LRRC9: variants seen among roughly 807,000 people sequenced by gnomAD.
LRRC9 encodes leucine-rich repeat-containing protein 9.
Under a neutral mutation model 63.2 loss-of-function variants are expected in LRRC9, and 122 were observed. The ratio of observed to expected loss-of-function variants is 1.93; its 90% CI spans 1.67 to 2.24. LRRC9 has a LOEUF of 2.24. LRRC9 is among the 30% of genes most tolerant of loss of function. LRRC9 has a pLI of 0.00. For missense variants in LRRC9, 1,071 were observed against 627.7 expected, an observed-to-expected ratio of 1.71 and a Z score of -7.55; for synonymous variants, 366 against 213.1, an observed-to-expected ratio of 1.72 and a Z score of -6.25.
intron 8 of LRRC9, among the ~76,000 whole-genome samples, chr14:59,956,631 A>C (rs183289591): frequency 1.3e-5 from 2 of 152,256 alleles, no homozygotes; most frequent in East Asian, 3.9e-4. Flanking sequence ...CATTTAGCCC[A>C]TTTACATTTA....
At chr14:59,937,560 G>A (rs1354324676) in intron 6 of LRRC9, among the ~76,000 whole-genome samples, 2 of 152,098 alleles carry the variant, frequency 1.3e-5, no homozygotes, top group Admixed American at 1.3e-4. Flanking sequence ...CTCAAAAGGA[G>A]CAGCATGAGT....
rs148378912 is a variant in LRRC9, at chr14:60,003,446, G to A, written c.2665-175G>A. ...AAGTCCTTCTTGGAGTTATAATCTC[G>A]TCAAATTTTACTTTTCTGTAAACTG... is the stretch of plus-strand genomic sequence containing the variant. On this transcript the variant is annotated intron_variant, in intron 20 of 31. Coordinates refer to ENST00000445360, the Ensembl canonical transcript of LRRC9. The surrounding 1 kb of genome is among the most constrained non-coding windows in gnomAD (Gnocchi z 4.2). Among the ~76,000 whole-genome samples, 15 of 152,268 alleles carry A rather than the reference G, an allele frequency of 9.9e-5. No individual in the cohort carries two copies. The highest frequency in any genetic ancestry group is 2.1e-4 in the South Asian group (1 of 4,828).
rs927586867 is a variant in LRRC9, at chr14:60,004,615, T to C, written c.2842+817T>C. Among the ~76,000 whole-genome samples, 11 of 152,088 alleles carry C rather than the reference T, an allele frequency of 7.2e-5. No individual in the cohort carries two copies. Among genetic ancestry groups the C allele is most frequent in the African/African-American group, 2.4e-4 (10 of 41,446 alleles). ...TTCTTCACTTCATTTGGATTTATGC[T>C]TATCTACAGCTAAAAATCATGAGTT... On this transcript the variant is annotated intron_variant, in intron 21 of 31. Coordinates refer to ENST00000445360, the Ensembl canonical transcript of LRRC9. This position sits in a 1 kb window ranked among gnomAD's most constrained non-coding sequence, Gnocchi z 4.8.
chr14:60,003,010 G>C lies in LRRC9; in HGVS notation c.2665-611G>C, dbSNP rs1889513472. Among the ~76,000 whole-genome samples the C allele has an allele frequency of 6.6e-6, 1 of 152,178 alleles. No individual in the cohort carries two copies. Among genetic ancestry groups the C allele is most frequent in the Non-Finnish European group, 1.5e-5 (1 of 68,024 alleles). ...CACTTGCAGCTTCTTGCTACATTAGGTGTCCTTATACCTCTTGCCAAACAT... is the reference window on the plus strand; with the variant it reads ...CACTTGCAGCTTCTTGCTACATTAGCTGTCCTTATACCTCTTGCCAAACAT... On this transcript the variant is annotated intron_variant, in intron 20 of 31. Coordinates refer to ENST00000445360, the Ensembl canonical transcript of LRRC9. The surrounding 1 kb of genome is among the most constrained non-coding windows in gnomAD (Gnocchi z 4.2).
chr14:60,022,627 A>G, intron 26 of LRRC9, 107 bp from the exon 27 acceptor site: 2 of 409,330 alleles, frequency 4.9e-6, no homozygotes, highest in Non-Finnish European at 8.6e-6. Flanking sequence ...TAATAAATTT[A>G]TATTTTCTTA....
chr14:60,000,903 G>A (rs997243633), intron 19 of LRRC9, among the ~76,000 whole-genome samples: 11 of 151,966 alleles, frequency 7.2e-5, no homozygotes, highest in Non-Finnish European at 2.9e-5. Flanking sequence ...ACAACCAGCC[G>A]AACAGAAATA....
intron 7 of LRRC9, 62 bp from the exon 8 acceptor site, chr14:59,944,527 C>T (rs1055420889): frequency 3.9e-6 from 2 of 518,604 alleles, no homozygotes; most frequent in South Asian, 3.3e-5. Context: ...TATATAATAC[C>T]ACTAACAATT....
rs2140220756 is a variant in LRRC9 at position 60,004,470 on chromosome 14, AATG to A, written c.2842+675_2842+677del. Among the ~76,000 whole-genome samples, 1 of 152,212 alleles carries A rather than the reference AATG, an allele frequency of 6.6e-6. No individual in the cohort carries two copies. Among genetic ancestry groups the A allele is most frequent in the South Asian group, 2.1e-4 (1 of 4,830 alleles). The stretch of plus-strand genomic sequence containing the variant: ...GCAGCTTTAGTAATATCTTAATAAT[AATG>A]ATACCAATATAATATATTTTATTTG... On this transcript the variant is annotated intron_variant, in intron 21 of 31. Coordinates refer to ENST00000445360, the Ensembl canonical transcript of LRRC9. The surrounding 1 kb of genome is among the most constrained non-coding windows in gnomAD (Gnocchi z 4.8).
In LRRC9 at chr14:59,938,960, C is replaced by CACATAT. The variant is rs1881394977; in HGVS notation, c.726+390_726+395dup. Among the ~76,000 whole-genome samples, 1 of 143,106 alleles carries CACATAT rather than the reference C, an allele frequency of 7.0e-6. No homozygotes were observed. Among genetic ancestry groups the CACATAT allele is most frequent in the Non-Finnish European group, 1.5e-5 (1 of 66,640 alleles). 93.9% of individuals were successfully genotyped at this position (143,106 alleles called of 152,430 possible). The stretch of plus-strand genomic sequence containing the variant: ...ATATACATATACATACATATATACA[C>CACATAT]ACATATATACATATATACATATATA... On this transcript the variant is annotated intron_variant, in intron 7 of 31. Coordinates refer to ENST00000445360, the Ensembl canonical transcript of LRRC9. This position sits in a 1 kb window ranked among gnomAD's most constrained non-coding sequence, Gnocchi z 4.2.
chr14:60,057,849 G>A (rs1006954393), intron 30 of LRRC9, 29 bp from the exon 31 acceptor site: 14 of 624,078 alleles, frequency 2.2e-5, no homozygotes, highest in African/African-American at 1.6e-4. Context: ...GAGATGAGAT[G>A]TTATTAACTG....
At chr14:59,998,285 C>A (rs1889007574) in intron 18 of LRRC9, among the ~76,000 whole-genome samples, 1 of 151,952 alleles carries the variant, frequency 6.6e-6, no homozygotes, top group Admixed American at 6.6e-5. Flanking sequence ...ACATGTTTTA[C>A]AATTTTATTT....
chr14:59,968,896 C>T (rs560125599), intron 12 of LRRC9, among the ~76,000 whole-genome samples: 1 of 152,218 alleles, frequency 6.6e-6, no homozygotes, highest in African/African-American at 2.4e-5. Context: ...AACTATTAAG[C>T]ATTTGAAATG....
chr14:59,928,359 T>C (rs1247969889), exon 3 of LRRC9: 2 of 694,020 alleles, frequency 2.9e-6, no homozygotes, highest in Non-Finnish European at 5.2e-6. Flanking sequence ...TATCCTCGTA[T>C]AGTTGGATTA....
At chr14:60,037,244 A>G (rs1170700276) in intron 29 of LRRC9, among the ~76,000 whole-genome samples, 4 of 152,184 alleles carry the variant, frequency 2.6e-5, no homozygotes, top group Non-Finnish European at 5.9e-5. Context: ...ATGTGTCTTT[A>G]TAACAGCTTG....
At chr14:59,941,407 T>C (rs909316222) in intron 7 of LRRC9, among the ~76,000 whole-genome samples, 3 of 151,556 alleles carry the variant, frequency 2.0e-5, no homozygotes. Context: ...TTTTTTTTTA[T>C]CCCACCTAGG....
rs746720349 is a variant in LRRC9, at chr14:59,962,445, C to T, written c.1211+1400C>T. 2.0e-4 allele frequency among the ~76,000 whole-genome samples: 30 copies of T among 151,898 alleles called. No homozygotes were observed. Among genetic ancestry groups the T allele is most frequent in the Admixed American group, 8.5e-4 (13 of 15,254 alleles). Reference sequence around the variant, plus strand: ...TTGAGATAGAGTCTCGCTGTGTCCCCGAGACTGGAGTGCAGTGGCCCGATC... The same window carrying T: ...TTGAGATAGAGTCTCGCTGTGTCCCTGAGACTGGAGTGCAGTGGCCCGATC... On this transcript the variant is annotated intron_variant, in intron 10 of 31. Coordinates refer to ENST00000445360, the Ensembl canonical transcript of LRRC9. The surrounding 1 kb of genome is among the most constrained non-coding windows in gnomAD (Gnocchi z 5.1).
In LRRC9 at chr14:59,996,199, G is replaced by GT. The variant is rs61188296; in HGVS notation, c.2212-1447dup. On this transcript the variant is annotated intron_variant, in intron 17 of 31. Transcript: ENST00000445360. ...AGCCTAATTCACTTTACTTAAAGGT[G>GT]TTTTTTTTTTCTAAAGTTATGGCCT... Among the ~76,000 whole-genome samples, 249 of 148,504 alleles carry GT rather than the reference G, an allele frequency of 1.7e-3. 3 individuals carry two copies. Among genetic ancestry groups the GT allele is most frequent in the Middle Eastern group, 3.4e-3 (1 of 292 alleles).
At chr14:60,024,419 AAC>A (rs1891360675) in intron 27 of LRRC9, among the ~76,000 whole-genome samples, 1 of 152,034 alleles carries the variant, frequency 6.6e-6, no homozygotes, top group South Asian at 2.1e-4. Flanking sequence ...GCGTGAGAAA[AAC>A]ACAGGGCTTG....
rs1179221599 is a variant in LRRC9, at chr14:59,922,685, T to G, written c.-34+2802T>G. On this transcript the variant is annotated intron_variant, in intron 1 of 31. Coordinates refer to ENST00000445360, the Ensembl canonical transcript of LRRC9. The surrounding 1 kb of genome is among the most constrained non-coding windows in gnomAD (Gnocchi z 5.3). ...TTTGAGAGGAGGGAAATAAGAAACA[T>G]ACATTTGATGGCACCACTGTTCTCT... Among the ~76,000 whole-genome samples, 3 of 152,048 alleles carry G rather than the reference T, an allele frequency of 2.0e-5. No homozygotes were observed. The highest frequency in any genetic ancestry group is 2.9e-5 in the Non-Finnish European group (2 of 68,002).
Sources: gnomAD v4.1 joint callset for allele counts (sites outside exome capture counted in the v4.1 genomes callset) on GRCh38, gnomAD v4.1.1 for gene constraint, Gnocchi (gnomAD v3.1) non-coding constraint, MANE v1.5 for transcripts, NCBI Gene and HGNC (gene_info 2026-07-23, HGNC 2026-07-21) for gene names.